Variants in GIPC1 observed in about 807,000 individuals in gnomAD.
GIPC1 encodes the protein PDZ domain-containing protein GIPC1.
In GIPC1, 15 loss-of-function variants were observed where a neutral mutation model predicts 28.5. The observed-to-expected ratio is 0.53, with a 90% confidence interval of 0.35 to 0.81. GIPC1 has a LOEUF of 0.81. Ranked by LOEUF, GIPC1 falls within the 30% of genes least tolerant of loss-of-function variation. The pLI, the probability that GIPC1 is intolerant of heterozygous loss-of-function variation, is 0.01. For missense variants in GIPC1, 439 were observed against 481.9 expected (o/e 0.91, Z 0.83); for synonymous variants, 224 against 206.1 (o/e 1.09, Z -0.74).
At position 14,477,811 on chromosome 19, in the gene GIPC1, A is replaced by G. The variant is rs1038110101; in HGVS notation, c.*605T>C. On this transcript the variant is annotated 3_prime_UTR_variant, in exon 9 of 9. Coordinates refer to ENST00000393033, the MANE Select transcript of GIPC1 (RefSeq NM_005716.4). The stretch of plus-strand genomic sequence containing the variant: ...CAAGACAGCAAATTCAGATACAAAA[A>G]CCCACCGCCATCGTCCCTCCCTCCC... 5 of 152,716 alleles carry G rather than the reference A, an allele frequency of 3.3e-5. No individual in the cohort carries two copies. Among genetic ancestry groups the G allele is most frequent in the African/African-American group, 1.2e-4 (5 of 41,370 alleles). 9.5% of individuals were successfully genotyped at this position (152,716 alleles called of 1,614,324 possible).
chr19:14,480,657 A>T lies in GIPC1; in HGVS notation c.410T>A (p.Phe137Tyr). The change falls in exon 5 of 9, where the codon TTC becomes TAC. Residue 137 changes from phenylalanine (F) to tyrosine (Y), a missense_variant. Transcript: ENST00000393033. ...VKGQRKEVEV[F>Y]KSEDALGLTI... Reference sequence around the variant, plus strand: ...GAGCCCGAGTGCATCCTCCGACTTGAACACCTCCACCTCCTTGCGCTGCCC... The same window carrying T: ...GAGCCCGAGTGCATCCTCCGACTTGTACACCTCCACCTCCTTGCGCTGCCC... The T allele has an allele frequency of 6.2e-7, 1 of 1,614,066 alleles. No homozygotes were observed. The highest frequency in any genetic ancestry group is 8.5e-7 in the Non-Finnish European group (1 of 1,179,998).
At chr19:14,492,962 C>T (rs1186051534) in intron 1 of GIPC1, 50 bp from the exon 2 acceptor site, 1 of 151,978 alleles carries the variant, frequency 6.6e-6, no homozygotes, top group Non-Finnish European at 1.5e-5. Flanking sequence ...TGTGGAAATC[C>T]AAAGAGATTA....
intron 1 of GIPC1, among the ~76,000 whole-genome samples, chr19:14,493,192 A>C (rs1044706608): frequency 2.0e-5 from 3 of 152,224 alleles, no homozygotes; most frequent in Middle Eastern, 3.4e-3. Context: ...CCATGAACTT[A>C]ATTGCATGCT....
At chr19:14,495,319 G>A (rs904623705) in intron 1 of GIPC1, among the ~76,000 whole-genome samples, 1 of 151,990 alleles carries the variant, frequency 6.6e-6, no homozygotes, top group African/African-American at 2.4e-5. Flanking sequence ...TACGGGGTAG[G>A]GGGTGGGAGG....
At chr19:14,486,083 T>G (rs945962171) in intron 3 of GIPC1, among the ~76,000 whole-genome samples, 1 of 152,048 alleles carries the variant, frequency 6.6e-6, no homozygotes, top group Non-Finnish European at 1.5e-5. Flanking sequence ...AGGTGATCTT[T>G]CTCTGTTGCC....
rs1568359270 is a variant in GIPC1, at chr19:14,478,744, C to T, written c.790G>A (p.Ala264Thr). The T allele has an allele frequency of 1.2e-6, 2 of 1,613,280 alleles. No homozygotes were observed. Among genetic ancestry groups the T allele is most frequent in the East Asian group, 2.2e-5 (1 of 44,804 alleles). ...AGCAGGTCATCCACCTTCTCAATGG[C>T]CTTCTCTTCAAAGGCAGAGGGCTGG... ...EDLPSAFEEK[A>T]IEKVDDLLES... The change falls in exon 8 of 9, where the codon GCC becomes ACC. Residue 264 changes from alanine (A) to threonine (T), a missense_variant. Ala to Thr is a moderately conservative substitution (Grantham distance 58, BLOSUM62 0). Coordinates refer to ENST00000393033, the MANE Select transcript of GIPC1 (RefSeq NM_005716.4). This position sits in a 1 kb window ranked among gnomAD's most constrained non-coding sequence, Gnocchi z 5.2.
At position 14,480,440 on chromosome 19, in the gene GIPC1, C is replaced by T. The variant is rs766023130; in HGVS notation, c.520G>A (p.Val174Met). The stretch of plus-strand genomic sequence containing the variant: ...TTAATGGCCTCGATCATGTCGCCCA[C>T]GCTGATGAGGTGGATGTGGTCGATC... ...SVIDHIHLIS[V>M]GDMIEAINGQ... is the part of the protein sequence containing the mutation. Residue 174 changes from valine to methionine, a missense_variant, in exon 6 of 9, where the codon GTG becomes ATG. Val to Met is a conservative substitution (Grantham distance 21). Coordinates refer to ENST00000393033, the MANE Select transcript of GIPC1 (RefSeq NM_005716.4). 5.0e-6 allele frequency: 8 copies of T among 1,613,862 alleles called. No homozygotes were observed. Among genetic ancestry groups the T allele is most frequent in the Non-Finnish European group, 5.9e-6 (7 of 1,179,894 alleles).
chr19:14,480,155 G>A (rs1391604872), intron 6 of GIPC1, 150 bp downstream of exon 6: 3 of 658,452 alleles, frequency 4.6e-6, no homozygotes, highest in Admixed American at 2.7e-5. Context: ...CCCCGTCTGG[G>A]GTCGGGAGGA....
chr19:14,492,748 C>T (rs1425474291), intron 2 of GIPC1, 109 bp downstream of exon 2: 1 of 152,180 alleles, frequency 6.6e-6, no homozygotes, highest in African/African-American at 2.4e-5. Context: ...TGTCCCCACC[C>T]GTGAGGAGGC....
chr19:14,482,523 C>T, intron 4 of GIPC1, 166 bp downstream of exon 4: 1 of 677,230 alleles, frequency 1.5e-6, no homozygotes, highest in South Asian at 1.9e-5. Flanking sequence ...CCCAGTGCCT[C>T]ATGGGGACTC....
chr19:14,489,806 A>G (rs1220109677), intron 3 of GIPC1, among the ~76,000 whole-genome samples: 2 of 152,014 alleles, frequency 1.3e-5, no homozygotes, highest in African/African-American at 4.8e-5. Flanking sequence ...TTTTTCTAAC[A>G]TGAATTTTCC....
chr19:14,493,560 C>T (rs1345722812), intron 1 of GIPC1, among the ~76,000 whole-genome samples: 16 of 152,022 alleles, frequency 1.1e-4, no homozygotes, highest in African/African-American at 3.4e-4. Context: ...TGGGTTCAAA[C>T]GATTCTTCTG....
intron 3 of GIPC1, among the ~76,000 whole-genome samples, chr19:14,485,091 C>A (rs1174809286): frequency 2.6e-5 from 4 of 151,962 alleles, no homozygotes; most frequent in African/African-American, 9.7e-5. Context: ...ACCTGGGAGG[C>A]AGAGATTGCA....
chr19:14,478,590 G>T lies in GIPC1; in HGVS notation c.851-23C>A, dbSNP rs188734980. ...CCGCTATTGGGGGAGGGGTCAGAAC[G>T]GAGGCACAAATGACACCAGGGACCA... is the stretch of plus-strand genomic sequence containing the variant. On this transcript the variant is annotated intron_variant, in intron 8 of 8. Coordinates refer to ENST00000393033, the MANE Select transcript of GIPC1 (RefSeq NM_005716.4). This position sits in a 1 kb window ranked among gnomAD's most constrained non-coding sequence, Gnocchi z 5.2. 2 of 1,613,756 alleles carry T rather than the reference G, an allele frequency of 1.2e-6. No individual in the cohort carries two copies. Among genetic ancestry groups the T allele is most frequent in the South Asian group, 1.1e-5 (1 of 91,072 alleles).
rs1568371792 is a variant in GIPC1 at position 14,496,076 on chromosome 19, T to TCCGCCTCCGCCTCC, written c.-215_-214insGGAGGCGGAGGCGG. ...CCGCCGCCGCCGCCGCCGCCGCCGCTGCCTCCGCCTCCCCGTGCGCACCCG... is the reference window on the plus strand; with the variant it reads ...CCGCCGCCGCCGCCGCCGCCGCCGCTCCGCCTCCGCCTCCGCCTCCGCCTCCCCGTGCGCACCCG... On this transcript the variant is annotated 5_prime_UTR_variant, in exon 1 of 9. Coordinates refer to ENST00000393033, the MANE Select transcript of GIPC1 (RefSeq NM_005716.4). 2.5e-5 allele frequency: 5 copies of TCCGCCTCCGCCTCC among 203,586 alleles called. No individual in the cohort carries two copies. Among genetic ancestry groups the TCCGCCTCCGCCTCC allele is most frequent in the African/African-American group, 1.5e-4 (5 of 33,424 alleles). The allele number at this position is 203,586 out of a possible 1,614,324, so 12.6% of individuals were successfully genotyped here. A position where few individuals can be genotyped will look rare whatever the true frequency, so the allele number is the denominator to read the frequency against.
At chr19:14,480,873 G>T in intron 4 of GIPC1, 95 bp from the exon 5 acceptor site, 1 of 891,264 alleles carries the variant, frequency 1.1e-6, no homozygotes, top group East Asian at 2.5e-5. Flanking sequence ...GAGAGGACTA[G>T]GGGGATTCCA....
intron 6 of GIPC1, chr19:14,479,757 G>A: frequency 2.3e-6 from 1 of 429,608 alleles, no homozygotes. Context: ...GGAAATGCTG[G>A]AGGGGAGACT....
chr19:14,478,723 G>A lies in GIPC1; in HGVS notation c.811C>T (p.Leu271=), dbSNP rs544474520. ...EEKAIEKVDD[L]LESYMGIRDT... The stretch of plus-strand genomic sequence containing the variant: ...CTGATACCCATGTAACTCTCCAGCA[G>A]GTCATCCACCTTCTCAATGGCCTTC... Residue 271 remains leucine, a synonymous_variant, in exon 8 of 9, where the codon CTG becomes TTG. Coordinates refer to ENST00000393033, the MANE Select transcript of GIPC1 (RefSeq NM_005716.4). This position sits in a 1 kb window ranked among gnomAD's most constrained non-coding sequence, Gnocchi z 5.2. 1.9e-6 allele frequency: 3 copies of A among 1,613,834 alleles called. No homozygotes were observed. The highest frequency in any genetic ancestry group is 2.5e-6 in the Non-Finnish European group (3 of 1,179,926).
chr19:14,485,610 C>CCAATG (rs1369753560), intron 3 of GIPC1, among the ~76,000 whole-genome samples: 1 of 149,282 alleles, frequency 6.7e-6, no homozygotes, highest in Non-Finnish European at 1.5e-5. Context: ...AGAGATCGTG[C>CCAATG]CAATGCACTC....
Sources: gnomAD v4.1 joint callset for allele counts (sites outside exome capture counted in the v4.1 genomes callset) on GRCh38, gnomAD v4.1.1 for gene constraint, Gnocchi (gnomAD v3.1) non-coding constraint, MANE v1.5 for transcripts, NCBI Gene and HGNC (gene_info 2026-07-23, HGNC 2026-07-21) for gene names.